Variants in SNX25 observed in about 807,000 individuals in gnomAD.
The protein encoded by SNX25 is sorting nexin 25, also known as sorting nexin-25.
SNX25 carries 62 observed loss-of-function variants against 113.7 expected under a neutral mutation model. The ratio of observed to expected loss-of-function variants is 0.55; its 90% confidence interval spans 0.44 to 0.67. SNX25 has a LOEUF of 0.67. SNX25 is among the 30% of genes least tolerant of loss of function. The probability of loss-of-function intolerance (pLI) is 0.00; values close to 1 mark genes in which losing one functional copy is unlikely to be tolerated. For missense variants in SNX25, 1,014 were observed against 1,161.0 expected (o/e 0.87, Z 1.84); for synonymous variants, 421 against 436.2 (o/e 0.97, Z 0.43).
At chr4:185,261,114 C>CTGTG (rs369434936) in intron 3 of SNX25, among the ~76,000 whole-genome samples, 6,556 of 141,616 alleles carry the variant, frequency 0.046, 243 homozygotes, top group African/African-American at 0.11. Context: ...CTGTCTGTCT[C>CTGTG]TGTGTGTGTG....
At chr4:185,277,170 G>A (rs190415135) in intron 5 of SNX25, among the ~76,000 whole-genome samples, 145 of 152,188 alleles carry the variant, frequency 9.5e-4, no homozygotes, top group Non-Finnish European at 1.8e-3. Flanking sequence ...GATTACAGGC[G>A]TGTGCTACCA....
intron 11 of SNX25, among the ~76,000 whole-genome samples, chr4:185,339,994 A>C (rs1051657425): frequency 6.6e-6 from 1 of 152,148 alleles, no homozygotes; most frequent in Non-Finnish European, 1.5e-5. Flanking sequence ...TGTAGAATAT[A>C]CTGTATCCCT....
rs1451894421 is a variant in SNX25 at position 185,210,465 on chromosome 4, G to C, written c.429+210G>C. 6.7e-6 allele frequency among the ~76,000 whole-genome samples: 1 copy of C among 150,120 alleles called. No individual in the cohort carries two copies. Among genetic ancestry groups the C allele is most frequent in the Non-Finnish European group, 1.5e-5 (1 of 66,878 alleles). On this transcript the variant is annotated intron_variant, in intron 1 of 18. Coordinates refer to ENST00000652585, the MANE Select transcript of SNX25 (RefSeq NM_001378034.2). The surrounding 1 kb of genome is among the most constrained non-coding windows in gnomAD (Gnocchi z 4.4). ...CTCCGGGCTCCGGGCTCCGCGCTCC[G>C]CGGTGCTGGAGGAGATGCGCGTTAT...
chr4:185,244,282 C>T lies in SNX25; in HGVS notation c.430-3012C>T, dbSNP rs139450742. 3.3e-5 allele frequency among the ~76,000 whole-genome samples: 5 copies of T among 152,336 alleles called. No homozygotes were observed. The East Asian group carries it at 9.6e-4, about 29-fold the overall frequency. ...TGCTGGGATTATAGGCGTGAGCCACCGCACCCGGCCAGGAACTTCTTCAAT... is the reference window on the plus strand; with the variant it reads ...TGCTGGGATTATAGGCGTGAGCCACTGCACCCGGCCAGGAACTTCTTCAAT... On this transcript the variant is annotated intron_variant, in intron 1 of 18. Transcript: ENST00000652585.
intron 5 of SNX25, 50 bp downstream of exon 5, chr4:185,267,205 C>G (rs747490471): frequency 6.5e-7 from 1 of 1,542,162 alleles, no homozygotes; most frequent in African/African-American, 1.4e-5. Flanking sequence ...TTATCATCCC[C>G]TGCCTAGTTA....
At chr4:185,370,942 T>C (rs1187727592), downstream of SNX25, 3 of 1,034,206 alleles carry the variant, frequency 2.9e-6, no homozygotes, top group East Asian at 7.7e-5. Context: ...ACTAAGTTGT[T>C]TGCTGTGTGG....
At chr4:185,376,944 C>T in the SNX25 span, 1 of 1,613,670 alleles carries the variant, frequency 6.2e-7, no homozygotes, top group Non-Finnish European at 8.5e-7. Flanking sequence ...AGGAAATATG[C>T]CAGAGTGTCT....
intron 6 of SNX25, among the ~76,000 whole-genome samples, chr4:185,307,661 C>T (rs566045019): frequency 6.6e-6 from 1 of 152,368 alleles, no homozygotes; most frequent in South Asian, 2.1e-4. Context: ...TGTCCACCTG[C>T]TCTGCCTTCC....
At chr4:185,374,125 G>A, downstream of SNX25, 6 of 1,604,066 alleles carry the variant, frequency 3.7e-6, no homozygotes, top group Non-Finnish European at 4.3e-6. Context: ...TAAAAAAGAG[G>A]GAACGTTACC....
intron 13 of SNX25, among the ~76,000 whole-genome samples, chr4:185,348,480 C>G (rs1194955767): frequency 6.6e-6 from 1 of 152,062 alleles, no homozygotes; most frequent in African/African-American, 2.4e-5. Flanking sequence ...GCAACCTCCG[C>G]CACCTGGGTT....
At chr4:185,313,610 A>G (rs894913196) in intron 7 of SNX25, among the ~76,000 whole-genome samples, 6 of 152,350 alleles carry the variant, frequency 3.9e-5, no homozygotes, top group Admixed American at 3.3e-4. Flanking sequence ...AATATGCAAT[A>G]TATCCCACAA....
chr4:185,341,916 T>G, intron 11 of SNX25, 60 bp from the exon 12 acceptor site: 3 of 1,528,892 alleles, frequency 2.0e-6, no homozygotes, highest in Non-Finnish European at 2.6e-6. Context: ...CTTACAGATC[T>G]TCCTTCTGCA....
Position 185,240,325 on chromosome 4 carries a change from A to G in SNX25, c.430-6969A>G, listed in dbSNP as rs1320617986. Among the ~76,000 whole-genome samples the G allele has an allele frequency of 2.0e-5, 3 of 149,436 alleles. No homozygotes were observed. In the East Asian group the frequency reaches 6.0e-4, roughly 30 times the overall value. The stretch of plus-strand genomic sequence containing the variant: ...TGGTGGCCGGGCAGAGGGGCTCCTC[A>G]CTTCCCAGTAGGGGCGGCCGGGCAG... On this transcript the variant is annotated intron_variant, in intron 1 of 18. Coordinates refer to ENST00000652585, the MANE Select transcript of SNX25 (RefSeq NM_001378034.2).
chr4:185,236,328 A>C (rs1291708171), intron 1 of SNX25, among the ~76,000 whole-genome samples: 15 of 151,782 alleles, frequency 9.9e-5, no homozygotes, highest in Admixed American at 9.9e-4. Flanking sequence ...GTGCCACTGC[A>C]CTCCATCCAG....
At chr4:185,242,752 A>G (rs890375295) in intron 1 of SNX25, among the ~76,000 whole-genome samples, 6 of 152,174 alleles carry the variant, frequency 3.9e-5, no homozygotes, top group South Asian at 4.1e-4. Context: ...TCAGAGAGGC[A>G]GGGGCCCCTG....
Position 185,363,643 on chromosome 4 carries a change from A to G in SNX25, c.*178A>G, listed in dbSNP as rs1444519325. 5 of 482,714 alleles carry G rather than the reference A, an allele frequency of 1.0e-5. No homozygotes were observed. 29.9% of individuals were successfully genotyped at this position (482,714 alleles called of 1,614,324 possible). On this transcript the variant is annotated 3_prime_UTR_variant, in exon 19 of 19. Coordinates refer to ENST00000652585, the MANE Select transcript of SNX25 (RefSeq NM_001378034.2). The surrounding 1 kb of genome is among the most constrained non-coding windows in gnomAD (Gnocchi z 4.2). Reference sequence around the variant, plus strand: ...GACGGGACTTATGCTGTGGTAGGCAACAGAAAAAAACTTCTATTGATTTTA... The same window carrying G: ...GACGGGACTTATGCTGTGGTAGGCAGCAGAAAAAAACTTCTATTGATTTTA...
intron 13 of SNX25, among the ~76,000 whole-genome samples, chr4:185,346,930 G>A (rs578232665): frequency 1.9e-3 from 292 of 152,224 alleles, no homozygotes; most frequent in Non-Finnish European, 2.4e-3. Context: ...TCCTCCCATC[G>A]CTGCAGCCCC....
chr4:185,293,780 T>A (rs1752493112), intron 6 of SNX25, among the ~76,000 whole-genome samples: 1 of 152,194 alleles, frequency 6.6e-6, no homozygotes, highest in Non-Finnish European at 1.5e-5. Context: ...ATATTCATAT[T>A]CATAATTTTG....
intron 10 of SNX25, 26 bp downstream of exon 10, chr4:185,332,785 T>G: frequency 6.2e-7 from 1 of 1,603,406 alleles, no homozygotes; most frequent in East Asian, 2.2e-5. Flanking sequence ...CAAGGTTGTC[T>G]TTGAAAGTTA....
Sources: allele counts gnomAD v4.1 joint callset (sites outside exome capture counted in the v4.1 genomes callset), GRCh38; gene constraint gnomAD v4.1.1; non-coding constraint Gnocchi (gnomAD v3.1); transcripts MANE v1.5; gene names NCBI Gene and HGNC (gene_info 2026-07-23, HGNC 2026-07-21).